NTM: variants seen among roughly 807,000 people sequenced by gnomAD.
The protein encoded by NTM is neurotrimin.
Under a neutral mutation model 42.1 loss-of-function variants are expected in NTM, and 13 were observed. The observed-to-expected ratio is 0.31, with a 90% CI of 0.20 to 0.49. NTM has a LOEUF of 0.49. Ranked by LOEUF, NTM falls within the 20% of genes least tolerant of loss-of-function variation. The pLI, the probability that NTM is intolerant of heterozygous loss-of-function variation, is 0.99. For synonymous variants in NTM, 187 were observed against 179.2 expected, an observed-to-expected ratio of 1.04 and a Z score of -0.35; for missense variants, 373 against 452.8, an observed-to-expected ratio of 0.82 and a Z score of 1.60.
At position 131,539,928 on chromosome 11, in the gene NTM, G is replaced by A. The variant is rs550905422; in HGVS notation, c.82+169040G>A. ...TCTGTTTGTGCCCAAGACTCTTCCA[G>A]TTTTAGCACTGAAAGTCTCAAATCC... is the stretch of plus-strand genomic sequence containing the variant. On this transcript the variant is annotated intron_variant, in intron 1 of 8. Coordinates refer to ENST00000683400, the MANE Select transcript of NTM (RefSeq NM_001352005.2). Among the ~76,000 whole-genome samples the A allele has an allele frequency of 1.6e-4, 24 of 152,224 alleles. No homozygotes were observed. In the South Asian group the frequency reaches 5.0e-3, roughly 32 times the overall value.
chr11:132,131,366 G>A (rs116361444), intron 2 of NTM, among the ~76,000 whole-genome samples: 12 of 152,328 alleles, frequency 7.9e-5, no homozygotes, highest in African/African-American at 2.9e-4. Flanking sequence ...GACTGCCTGT[G>A]ATAATGAACT....
At chr11:132,093,832 T>C (rs1040794086) in intron 2 of NTM, among the ~76,000 whole-genome samples, 2 of 152,190 alleles carry the variant, frequency 1.3e-5, no homozygotes, top group African/African-American at 4.8e-5. Flanking sequence ...ATATTGTAGA[T>C]TCTCAAAATA....
At chr11:132,316,671 A>G (rs981043121) in intron 7 of NTM, among the ~76,000 whole-genome samples, 3 of 152,152 alleles carry the variant, frequency 2.0e-5, no homozygotes, top group Admixed American at 6.5e-5. Context: ...GCTTCAGTTG[A>G]GAGATCATTC....
chr11:131,737,786 A>G (rs1052710625), intron 1 of NTM, among the ~76,000 whole-genome samples: 1 of 152,074 alleles, frequency 6.6e-6, no homozygotes, highest in African/African-American at 2.4e-5. Flanking sequence ...GGTGGGTAGA[A>G]AATATTCCCA....
At chr11:131,888,226 G>T (rs1460359154) in intron 1 of NTM, among the ~76,000 whole-genome samples, 2 of 151,976 alleles carry the variant, frequency 1.3e-5, no homozygotes, top group African/African-American at 4.8e-5. Context: ...GCTTGAACCC[G>T]GGAGGTGGAG....
chr11:131,633,570 TA>T (rs1789406982), intron 1 of NTM, among the ~76,000 whole-genome samples: 3 of 147,372 alleles, frequency 2.0e-5, no homozygotes, highest in African/African-American at 2.5e-5. Context: ...TCTCTCTCTC[TA>T]CCTCTCCATC....
intron 2 of NTM, among the ~76,000 whole-genome samples, chr11:131,938,894 T>C (rs894299237): frequency 6.6e-6 from 1 of 152,118 alleles, no homozygotes; most frequent in Non-Finnish European, 1.5e-5. Context: ...TTTTAACCCA[T>C]GTAGAGAGAC....
At chr11:131,794,034 G>A (rs7941007) in intron 1 of NTM, among the ~76,000 whole-genome samples, 5,670 of 152,204 alleles carry the variant, frequency 0.037, 370 homozygotes, top group African/African-American at 0.13. Flanking sequence ...GATAACCATC[G>A]ACAAATATTT....
chr11:132,259,096 C>T (rs1041610664), intron 4 of NTM, among the ~76,000 whole-genome samples: 3 of 152,122 alleles, frequency 2.0e-5, no homozygotes, highest in Non-Finnish European at 2.9e-5. Context: ...CTGCTAGATA[C>T]GGCTGTGGGA....
chr11:131,697,785 T>G (rs2075631018), intron 1 of NTM, among the ~76,000 whole-genome samples: 2 of 152,210 alleles, frequency 1.3e-5, no homozygotes, highest in African/African-American at 4.8e-5. Flanking sequence ...TTACTTGCCA[T>G]CCACAGGAGC....
intron 1 of NTM, among the ~76,000 whole-genome samples, chr11:131,616,335 G>T (rs2061935329): frequency 6.6e-6 from 1 of 152,206 alleles, no homozygotes; most frequent in Admixed American, 6.5e-5. Flanking sequence ...TTGGAGGACA[G>T]AGGAAAAAGA....
At chr11:132,135,114 C>T (rs2067639510) in intron 2 of NTM, among the ~76,000 whole-genome samples, 1 of 152,168 alleles carries the variant, frequency 6.6e-6, no homozygotes, top group African/African-American at 2.4e-5. Context: ...TCCCCTCACC[C>T]CTGTGTCAGT....
chr11:131,789,723 G>A (rs549288271), intron 1 of NTM, among the ~76,000 whole-genome samples: 8 of 151,504 alleles, frequency 5.3e-5, no homozygotes, highest in East Asian at 3.9e-4. Context: ...TTGGGAGGTG[G>A]AGGCAGGCGG....
intron 1 of NTM, among the ~76,000 whole-genome samples, chr11:131,671,986 C>T (rs988021127): frequency 6.6e-6 from 1 of 152,214 alleles, no homozygotes; most frequent in East Asian, 1.9e-4. Context: ...CCTGGCTGCA[C>T]CGCCTCTCAG....
intron 2 of NTM, among the ~76,000 whole-genome samples, chr11:132,012,886 C>T (rs964296966): frequency 8.6e-5 from 13 of 152,022 alleles, no homozygotes; most frequent in Admixed American, 6.6e-4. Context: ...GCTGAGTAGC[C>T]TCAGGTTTCT....
chr11:131,469,966 T>C (rs1450016833), intron 1 of NTM, among the ~76,000 whole-genome samples: 2 of 152,232 alleles, frequency 1.3e-5, no homozygotes, highest in Non-Finnish European at 2.9e-5. Context: ...TGCATTTACA[T>C]TTCCTTAGAG....
chr11:131,893,696 A>G (rs539190584), intron 1 of NTM, among the ~76,000 whole-genome samples: 32 of 152,336 alleles, frequency 2.1e-4, no homozygotes, highest in African/African-American at 7.5e-4. Context: ...AGCCCCTTAC[A>G]GCAGATGCTT....
Position 132,281,603 on chromosome 11 carries a change from A to C in NTM, c.527-26086A>C, listed in dbSNP as rs79346118. On this transcript the variant is annotated intron_variant, in intron 4 of 8. Transcript: ENST00000683400. ...CCAGTCTGTAAGAATAGATATCTAA[A>C]AATACAGAAGTCTGATGCCCAGAAA... Among the ~76,000 whole-genome samples the C allele has an allele frequency of 2.6e-3, 392 of 152,330 alleles. 4 individuals carry two copies. In the East Asian group the frequency reaches 0.029, roughly 11 times the overall value.
chr11:132,150,311 C>T (rs2071572037), intron 3 of NTM, among the ~76,000 whole-genome samples: 1 of 152,136 alleles, frequency 6.6e-6, no homozygotes, highest in African/African-American at 2.4e-5. Context: ...CCCATTAGGC[C>T]CCCACCTCCA....
Sources: allele counts gnomAD v4.1 joint callset (sites outside exome capture counted in the v4.1 genomes callset), GRCh38; gene constraint gnomAD v4.1.1; transcripts MANE v1.5; gene names NCBI Gene and HGNC (gene_info 2026-07-23, HGNC 2026-07-21).